The following PYROXD1 variants were observed in gnomAD, a reference collection of about 807,000 sequenced individuals.
The protein encoded by PYROXD1 is pyridine nucleotide-disulphide oxidoreductase domain 1.
In PYROXD1, 42 loss-of-function variants were observed where a neutral mutation model predicts 62.0. The ratio of observed to expected loss-of-function variants is 0.68; its 90% CI spans 0.53 to 0.88. PYROXD1 has a LOEUF of 0.88. Among genes scored for constraint, PYROXD1 ranks in the 40% least tolerant of loss-of-function variants. The pLI is 0.00. For missense variants in PYROXD1, 493 were observed against 604.8 expected (o/e 0.82, Z 1.94); for synonymous variants, 170 against 206.4 (o/e 0.82, Z 1.51).
At chr12:21,454,522 GC>G (rs1942559241) in intron 5 of PYROXD1, among the ~76,000 whole-genome samples, 1 of 151,930 alleles carries the variant, frequency 6.6e-6, no homozygotes, top group Non-Finnish European at 1.5e-5. Flanking sequence ...AATATCACAT[GC>G]CCATTACCTT....
intron 1 of PYROXD1, 119 bp from the exon 2 acceptor site, chr12:21,440,249 G>A: frequency 1.7e-6 from 1 of 591,166 alleles, no homozygotes; most frequent in Non-Finnish European, 3.0e-6. Context: ...GGAACAGTGG[G>A]TTTTTAATTT....
intron 10 of PYROXD1, among the ~76,000 whole-genome samples, chr12:21,466,560 G>C (rs1479302165): frequency 6.6e-6 from 1 of 152,094 alleles, no homozygotes; most frequent in Non-Finnish European, 1.5e-5. Flanking sequence ...TTAAGATTTT[G>C]GGCTGAGCTG....
chr12:21,459,939 T>C (rs1942663566), intron 7 of PYROXD1, among the ~76,000 whole-genome samples: 2 of 152,190 alleles, frequency 1.3e-5, no homozygotes, highest in Non-Finnish European at 1.5e-5. Context: ...TGCAGTAAAC[T>C]TACAAAAGTT....
chr12:21,469,477 T>G lies in PYROXD1; in HGVS notation c.*723T>G, dbSNP rs1464372331. ...ATGTGGCTCAGGGAAGCCAAAAGATTGGACATCCCTGATCTACATATTTAA... is the reference window on the plus strand; with the variant it reads ...ATGTGGCTCAGGGAAGCCAAAAGATGGGACATCCCTGATCTACATATTTAA... On this transcript the variant is annotated 3_prime_UTR_variant, in exon 12 of 12. Coordinates refer to ENST00000240651, the MANE Select transcript of PYROXD1 (RefSeq NM_024854.5). 3.3e-5 allele frequency: 5 copies of G among 151,030 alleles called. No homozygotes were observed. In the East Asian group the frequency reaches 9.7e-4, roughly 29 times the overall value. 9.4% of individuals were successfully genotyped at this position (151,030 alleles called of 1,614,324 possible).
Position 21,455,390 on chromosome 12 carries a change from ATAG to A in PYROXD1, c.649+101_649+103del, listed in dbSNP as rs1025622362. On this transcript the variant is annotated intron_variant, in intron 6 of 11. Transcript: ENST00000240651. ...AAATTTAATAAAATAAATTTTGGAA[ATAG>A]TAATATGGATATTTATATATCTTTA... The A allele has an allele frequency of 9.9e-6, 6 of 603,470 alleles. No homozygotes were observed. The African/African-American group carries it at 1.2e-4, about 12-fold the overall frequency. 37.4% of individuals were successfully genotyped at this position (603,470 alleles called of 1,614,324 possible).
At position 21,462,053 on chromosome 12, in the gene PYROXD1, G is replaced by A; in HGVS notation, c.926G>A (p.Gly309Asp). Residue 309 changes from glycine (G) to aspartate (D), a missense_variant, in exon 9 of 12, where the codon GGC becomes GAC. Coordinates refer to ENST00000240651, the MANE Select transcript of PYROXD1 (RefSeq NM_024854.5). ...GAATTGACCAATGAAAAGATATATG[G>A]CTGCGATTTCATTGTCAGTGCTACA... ...YVELTNEKIY[G>D]CDFIVSATGV... The A allele has an allele frequency of 6.2e-7, 1 of 1,612,570 alleles. No individual in the cohort carries two copies. Among genetic ancestry groups the A allele is most frequent in the South Asian group, 1.1e-5 (1 of 91,016 alleles).
chr12:21,462,224 A>AC, intron 9 of PYROXD1, 104 bp downstream of exon 9: 1 of 667,238 alleles, frequency 1.5e-6, no homozygotes, highest in Non-Finnish European at 2.6e-6. Flanking sequence ...GTACAACTGT[A>AC]ACTTAACATG....
At chr12:21,464,131 T>C (rs1318737891) in intron 10 of PYROXD1, among the ~76,000 whole-genome samples, 2 of 106,870 alleles carry the variant, frequency 1.9e-5, no homozygotes, top group African/African-American at 3.8e-5. Context: ...GAGTTGGAGT[T>C]TATGGGTTTT....
chr12:21,470,140 A>G lies in PYROXD1; in HGVS notation c.*1386A>G, dbSNP rs1350278045. Reference sequence around the variant, plus strand: ...AAACTATTGTCTAACTACAAAAATAATGGCATATACATGCATAAACCATCT... The same window carrying G: ...AAACTATTGTCTAACTACAAAAATAGTGGCATATACATGCATAAACCATCT... On this transcript the variant is annotated 3_prime_UTR_variant, in exon 12 of 12. Coordinates refer to ENST00000240651, the MANE Select transcript of PYROXD1 (RefSeq NM_024854.5). 6.3e-7 allele frequency: 1 copy of G among 1,577,592 alleles called. No homozygotes were observed. The highest frequency in any genetic ancestry group is 1.4e-5 in the African/African-American group (1 of 72,948).
chr12:21,440,334 G>A, intron 1 of PYROXD1, 34 bp from the exon 2 acceptor site: 1 of 1,252,604 alleles, frequency 8.0e-7, no homozygotes, highest in Admixed American at 1.9e-5. Flanking sequence ...AAAGTAATTT[G>A]TCCTAATTTT....
At chr12:21,449,437 C>T in intron 3 of PYROXD1, 126 bp from the exon 4 acceptor site, 1 of 720,216 alleles carries the variant, frequency 1.4e-6, no homozygotes, top group South Asian at 2.2e-5. Context: ...GAACTGAGTG[C>T]CACCAAGAGG....
intron 4 of PYROXD1, among the ~76,000 whole-genome samples, chr12:21,450,566 C>G (rs1272428433): frequency 6.6e-6 from 1 of 152,118 alleles, no homozygotes; most frequent in Non-Finnish European, 1.5e-5. Flanking sequence ...TAATTCAGGG[C>G]TTATTAACCC....
At chr12:21,455,934 C>T (rs549696943) in intron 6 of PYROXD1, 61 bp from the exon 7 acceptor site, 11 of 1,091,322 alleles carry the variant, frequency 1.0e-5, no homozygotes, top group Non-Finnish European at 1.5e-5. Flanking sequence ...TAAAAAACTT[C>T]AGAACACTAA....
chr12:21,443,668 A>G (rs1026619294), intron 2 of PYROXD1, among the ~76,000 whole-genome samples: 5 of 152,216 alleles, frequency 3.3e-5, no homozygotes, highest in Non-Finnish European at 7.4e-5. Flanking sequence ...CGAAAAACGT[A>G]CATTCTGATC....
chr12:21,454,015 C>A (rs1026570648), intron 5 of PYROXD1, among the ~76,000 whole-genome samples: 1 of 148,614 alleles, frequency 6.7e-6, no homozygotes, highest in African/African-American at 2.5e-5. Context: ...ACCCAATAAT[C>A]TTCTATGTTT....
chr12:21,467,216 A>T (rs369489741), intron 10 of PYROXD1: 61 of 306,636 alleles, frequency 2.0e-4, no homozygotes, highest in African/African-American at 1.3e-3. Context: ...GGTATAGCTT[A>T]ATATAGTTTC....
intron 4 of PYROXD1, among the ~76,000 whole-genome samples, chr12:21,450,195 T>A (rs1942469567): frequency 6.6e-6 from 1 of 152,086 alleles, no homozygotes; most frequent in Middle Eastern, 3.2e-3. Context: ...TATTTTTAGT[T>A]GACACTATGT....
At chr12:21,438,443 G>T (rs1942235177) in intron 1 of PYROXD1, 1 of 152,340 alleles carries the variant, frequency 6.6e-6, no homozygotes, top group South Asian at 2.1e-4. Flanking sequence ...CCGGCCCTCA[G>T]CCCCCTTTGT....
chr12:21,457,726 A>T (rs1942623935), intron 7 of PYROXD1, among the ~76,000 whole-genome samples: 1 of 152,054 alleles, frequency 6.6e-6, no homozygotes, highest in Non-Finnish European at 1.5e-5. Context: ...GGTGCCACAC[A>T]CCTTTAAACA....
Sources: allele counts gnomAD v4.1 joint callset (sites outside exome capture counted in the v4.1 genomes callset), GRCh38; gene constraint gnomAD v4.1.1; transcripts MANE v1.5; gene names NCBI Gene and HGNC (gene_info 2026-07-23, HGNC 2026-07-21).